MACROD1: variants seen among roughly 807,000 people sequenced by gnomAD.
MACROD1 encodes ADP-ribose glycohydrolase MACROD1.
MACROD1 carries 31 observed loss-of-function variants against 41.4 expected under a neutral mutation model. That is an observed-to-expected ratio of 0.75 (90% CI 0.56 to 1.01). The LOEUF is 1.01. Among genes scored for constraint, MACROD1 ranks in the 50% least tolerant of loss-of-function variants. The pLI is 0.00. For synonymous variants in MACROD1, 252 were observed against 203.4 expected (o/e 1.24, Z -2.03); for missense variants, 473 against 460.0 (o/e 1.03, Z -0.26).
At chr11:64,136,667 C>T (rs959596912) in intron 3 of MACROD1, among the ~76,000 whole-genome samples, 4 of 152,220 alleles carry the variant, frequency 2.6e-5, no homozygotes, top group African/African-American at 9.6e-5. Flanking sequence ...AGGGACCCCC[C>T]GCCACCGACC....
At chr11:64,093,016 G>A (rs1362461940) in intron 3 of MACROD1, among the ~76,000 whole-genome samples, 1 of 152,210 alleles carries the variant, frequency 6.6e-6, no homozygotes, top group Non-Finnish European at 1.5e-5. Context: ...ACACCGGAGT[G>A]GCTGGTGTGG....
chr11:64,092,485 C>G (rs1296905821), intron 3 of MACROD1, among the ~76,000 whole-genome samples: 1 of 152,176 alleles, frequency 6.6e-6, no homozygotes, highest in African/African-American at 2.4e-5. Flanking sequence ...TGGGTGTGGC[C>G]AGAGGTCTTG....
intron 3 of MACROD1, among the ~76,000 whole-genome samples, chr11:64,058,482 C>T (rs898732058): frequency 4.6e-5 from 7 of 152,258 alleles, no homozygotes; most frequent in African/African-American, 1.7e-4. Context: ...AAGAGCAGGT[C>T]AGGCCTTTTC....
At chr11:64,039,906 T>A (rs1199381496) in intron 3 of MACROD1, among the ~76,000 whole-genome samples, 1 of 151,810 alleles carries the variant, frequency 6.6e-6, no homozygotes, top group Non-Finnish European at 1.5e-5. Flanking sequence ...GGAGGATGGG[T>A]GGGAGTTTGG....
chr11:64,005,580 G>A (rs1023955227), intron 4 of MACROD1, among the ~76,000 whole-genome samples: 5 of 152,252 alleles, frequency 3.3e-5, no homozygotes, highest in Non-Finnish European at 7.3e-5. Context: ...TGACTGCAGC[G>A]TCTGGCCCTG....
rs569483738 is a variant in MACROD1 at position 64,146,854 on chromosome 11, C to T, written c.517+4385G>A. Among the ~76,000 whole-genome samples, 104 of 151,464 alleles carry T rather than the reference C, an allele frequency of 6.9e-4. No homozygotes were observed. Among genetic ancestry groups the T allele is most frequent in the African/African-American group, 2.5e-3 (103 of 41,232 alleles). ...CCTCACACACACACTCTATCACACA[C>T]ACCCCACGCATCACACAAGCACAGA... On this transcript the variant is annotated intron_variant, in intron 3 of 10. Coordinates refer to ENST00000255681, the MANE Select transcript of MACROD1 (RefSeq NM_014067.4). This position sits in a 1 kb window ranked among gnomAD's most constrained non-coding sequence, Gnocchi z 4.7.
intron 3 of MACROD1, among the ~76,000 whole-genome samples, chr11:64,071,859 G>A (rs779334793): frequency 2.0e-5 from 3 of 152,190 alleles, no homozygotes; most frequent in Admixed American, 6.5e-5. Context: ...GCTGTGGGCC[G>A]TGGGCAGTAG....
chr11:64,017,374 C>T (rs537081196), intron 3 of MACROD1, among the ~76,000 whole-genome samples: 2 of 152,202 alleles, frequency 1.3e-5, no homozygotes, highest in Admixed American at 6.5e-5. Context: ...AAGGGAGGTG[C>T]GATGGTTCCC....
intron 3 of MACROD1, among the ~76,000 whole-genome samples, chr11:64,078,572 G>A (rs1944246307): frequency 6.6e-6 from 1 of 152,206 alleles, no homozygotes. Context: ...GCGCGGCCCT[G>A]TGCCCCACAG....
At chr11:64,007,203 G>GACGTGCC (rs1464078571) in intron 4 of MACROD1, among the ~76,000 whole-genome samples, 1 of 152,206 alleles carries the variant, frequency 6.6e-6, no homozygotes, top group Non-Finnish European at 1.5e-5. Flanking sequence ...GCTCGGGGGC[G>GACGTGCC]ACGTGCCACG....
intron 3 of MACROD1, among the ~76,000 whole-genome samples, chr11:64,024,334 C>A (rs1480273262): frequency 9.2e-5 from 14 of 152,236 alleles, no homozygotes; most frequent in Non-Finnish European, 1.8e-4. Context: ...TGGCTTCTTT[C>A]ATTTCGCCCT....
chr11:64,118,286 C>T, intron 3 of MACROD1: 1 of 1,561,888 alleles, frequency 6.4e-7, no homozygotes, highest in Non-Finnish European at 8.7e-7. Flanking sequence ...ACTACTCCTA[C>T]ACATGATGCC....
chr11:64,102,538 G>C (rs975928811), intron 3 of MACROD1, among the ~76,000 whole-genome samples: 1 of 152,228 alleles, frequency 6.6e-6, no homozygotes, highest in Non-Finnish European at 1.5e-5. Context: ...AGCAAGAAGA[G>C]CAGGTGCCGG....
intron 3 of MACROD1, chr11:64,118,225 T>G: frequency 6.2e-7 from 1 of 1,612,654 alleles, no homozygotes; most frequent in South Asian, 1.1e-5. Context: ...ACACACACCA[T>G]TGGCTACGGC....
intron 3 of MACROD1, among the ~76,000 whole-genome samples, chr11:64,028,898 T>C (rs1046957859): frequency 1.3e-5 from 2 of 152,090 alleles, no homozygotes; most frequent in Non-Finnish European, 2.9e-5. Flanking sequence ...TCTCCTTACT[T>C]CCCTGCCCCT....
chr11:64,128,151 A>G (rs1253911844), intron 3 of MACROD1, among the ~76,000 whole-genome samples: 2 of 151,862 alleles, frequency 1.3e-5, no homozygotes, highest in Non-Finnish European at 2.9e-5. Flanking sequence ...CCAGGGCAGG[A>G]GCAGCCCAAG....
At chr11:64,097,802 C>G (rs574329988) in intron 3 of MACROD1, among the ~76,000 whole-genome samples, 1 of 152,190 alleles carries the variant, frequency 6.6e-6, no homozygotes, top group Admixed American at 6.5e-5. Context: ...CCTCCAGAGG[C>G]CTTCCTGCTC....
At chr11:64,054,732 G>A (rs1299651703) in intron 3 of MACROD1, among the ~76,000 whole-genome samples, 1 of 152,068 alleles carries the variant, frequency 6.6e-6, no homozygotes, top group Admixed American at 6.6e-5. Flanking sequence ...AAACTTCCTT[G>A]TTTCCTGCCT....
chr11:64,136,822 A>T (rs888233856), intron 3 of MACROD1, among the ~76,000 whole-genome samples: 3 of 152,210 alleles, frequency 2.0e-5, no homozygotes, highest in African/African-American at 7.2e-5. Flanking sequence ...GGAGATGGGG[A>T]TCTTCCAACC....
Sources: allele counts gnomAD v4.1 joint callset (sites outside exome capture counted in the v4.1 genomes callset), GRCh38; gene constraint gnomAD v4.1.1; non-coding constraint Gnocchi (gnomAD v3.1); transcripts MANE v1.5; gene names NCBI Gene and HGNC (gene_info 2026-07-23, HGNC 2026-07-21).